Variants in CSTPP1 observed in about 807,000 individuals in gnomAD.
CSTPP1 encodes centriolar satellite-associated tubulin polyglutamylase complex regulator 1.
At chr11:47,067,251 C>G in the CSTPP1 span, among the ~76,000 whole-genome samples, 1 of 152,062 alleles carries the variant, frequency 6.6e-6, no homozygotes, top group African/African-American at 2.4e-5. Context: ...AATGAGTAAT[C>G]ACTCTGGAGA....
At chr11:46,947,918 C>A in the CSTPP1 span, 1 of 400,118 alleles carries the variant, frequency 2.5e-6, no homozygotes, top group Non-Finnish European at 5.0e-6. Flanking sequence ...TGCATTAGGG[C>A]CCATTGCCAC....
At chr11:47,049,351 G>A in the CSTPP1 span, among the ~76,000 whole-genome samples, 1 of 151,890 alleles carries the variant, frequency 6.6e-6, no homozygotes, top group Non-Finnish European at 1.5e-5. Context: ...AAAATATGTA[G>A]ATAGGCCAGG....
chr11:47,134,470 G>A, the CSTPP1 span, among the ~76,000 whole-genome samples: 1 of 152,194 alleles, frequency 6.6e-6, no homozygotes, highest in Admixed American at 6.5e-5. Context: ...GATTACAGGC[G>A]TGAGCCACTG....
chr11:47,138,376 C>A, the CSTPP1 span, among the ~76,000 whole-genome samples: 3 of 152,138 alleles, frequency 2.0e-5, no homozygotes, highest in Non-Finnish European at 4.4e-5. Flanking sequence ...GATTACAATT[C>A]GGGTTGAGAT....
chr11:47,082,249 G>A, the CSTPP1 span, among the ~76,000 whole-genome samples: 1 of 150,956 alleles, frequency 6.6e-6, no homozygotes, highest in Admixed American at 6.6e-5. Context: ...GTTTCTAAGA[G>A]AGCTGATAAA....
At chr11:47,053,610 ACT>A in the CSTPP1 span, among the ~76,000 whole-genome samples, 1 of 147,808 alleles carries the variant, frequency 6.8e-6, no homozygotes, top group South Asian at 2.1e-4. Flanking sequence ...ACAGAGCAAG[ACT>A]CTGCCTCAAA....
At chr11:47,015,117 G>A in the CSTPP1 span, among the ~76,000 whole-genome samples, 35 of 152,106 alleles carry the variant, frequency 2.3e-4, no homozygotes, top group South Asian at 6.2e-4. Flanking sequence ...TAGACCAAAC[G>A]GACAAAGACA....
chr11:47,051,770 C>T, the CSTPP1 span, among the ~76,000 whole-genome samples: 11 of 150,140 alleles, frequency 7.3e-5, no homozygotes, highest in African/African-American at 2.7e-4. Flanking sequence ...CGGCTCACTG[C>T]AACCTCCACC....
chr11:47,128,977 T>C, the CSTPP1 span, among the ~76,000 whole-genome samples: 1 of 152,192 alleles, frequency 6.6e-6, no homozygotes, highest in Admixed American at 6.5e-5. Flanking sequence ...TTGAGTGAGG[T>C]ATATCACCAT....
At chr11:46,953,560 C>G in the CSTPP1 span, among the ~76,000 whole-genome samples, 2 of 151,966 alleles carry the variant, frequency 1.3e-5, no homozygotes, top group African/African-American at 4.8e-5. Flanking sequence ...TGGTGCCTAA[C>G]CAACAAACTG....
At chr11:47,016,413 A>T in the CSTPP1 span, among the ~76,000 whole-genome samples, 1 of 146,356 alleles carries the variant, frequency 6.8e-6, no homozygotes, top group Non-Finnish European at 1.5e-5. Flanking sequence ...ACAAAAAACA[A>T]AAAAAAAACG....
the CSTPP1 span, among the ~76,000 whole-genome samples, chr11:47,136,792 T>G: frequency 6.6e-6 from 1 of 152,178 alleles, no homozygotes; most frequent in South Asian, 2.1e-4. Flanking sequence ...ATATTCGAAA[T>G]GCTTTGATAT....
chr11:47,018,587 C>T, the CSTPP1 span, among the ~76,000 whole-genome samples: 694 of 152,298 alleles, frequency 4.6e-3, 23 homozygotes, highest in Non-Finnish European at 8.2e-4. Flanking sequence ...GCCACTACGC[C>T]CAGCCATGTT....
chr11:46,997,454 G>A, the CSTPP1 span, among the ~76,000 whole-genome samples: 1 of 152,072 alleles, frequency 6.6e-6, no homozygotes, highest in Non-Finnish European at 1.5e-5. Flanking sequence ...TTAGCCATTC[G>A]TCTAATCATT....
At chr11:46,948,057 A>G in the CSTPP1 span, 5 of 456,182 alleles carry the variant, frequency 1.1e-5, no homozygotes, top group Middle Eastern at 3.2e-4. Context: ...TTTTGAATGT[A>G]AGATATATGA....
the CSTPP1 span, among the ~76,000 whole-genome samples, chr11:47,035,150 A>G: frequency 6.6e-6 from 1 of 152,206 alleles, no homozygotes; most frequent in African/African-American, 2.4e-5. Context: ...CTGCTTCATG[A>G]ATTTCCTTTG....
the CSTPP1 span, among the ~76,000 whole-genome samples, chr11:47,061,838 G>A: frequency 6.6e-6 from 1 of 151,768 alleles, no homozygotes; most frequent in Non-Finnish European, 1.5e-5. Context: ...TTTTCTCCAG[G>A]GAGAAAATTG....
chr11:47,161,560 G>A, the CSTPP1 span: 1 of 1,614,136 alleles, frequency 6.2e-7, no homozygotes. Flanking sequence ...GCTCTCCCTG[G>A]AGACCTCTCC....
chr11:46,955,638 C>T, the CSTPP1 span, among the ~76,000 whole-genome samples: 36 of 151,870 alleles, frequency 2.4e-4, no homozygotes, highest in African/African-American at 8.2e-4. Context: ...GCTGGGACTA[C>T]AGGTGTGAGC....
Sources: gnomAD v4.1 joint callset for allele counts (sites outside exome capture counted in the v4.1 genomes callset) on GRCh38, gnomAD v4.1.1 for gene constraint, MANE v1.5 for transcripts, NCBI Gene and HGNC (gene_info 2026-07-23, HGNC 2026-07-21) for gene names.